DDX25: variants seen among roughly 807,000 people sequenced by gnomAD.
DDX25 encodes the protein ATP-dependent RNA helicase DDX25.
In DDX25, 70 loss-of-function variants were observed where a neutral mutation model predicts 64.6. That is an observed-to-expected ratio of 1.08 (90% CI 0.89 to 1.32). The LOEUF is 1.32. Among genes scored for constraint, DDX25 ranks in the 40% most tolerant of loss-of-function variants. The pLI is 0.00. For missense variants in DDX25, 587 were observed against 604.4 expected (o/e 0.97, Z 0.30); for synonymous variants, 211 against 213.3 (o/e 0.99, Z 0.09).
chr11:125,921,468 A>T lies in DDX25; in HGVS notation c.1390+89A>T. 1.4e-6 allele frequency: 2 copies of T among 1,449,272 alleles called. No individual in the cohort carries two copies. The highest frequency in any genetic ancestry group is 1.8e-6 in the Non-Finnish European group (2 of 1,082,152). The allele number at this position is 1,449,272 out of a possible 1,614,324, so 89.8% of individuals were successfully genotyped here. A position where few individuals can be genotyped will look rare whatever the true frequency, so the allele number is the denominator to read the frequency against. ...CTGGAGAGCTGGAGTCCAGGGGCTC[A>T]TGAGAGTAGTAGAAGCAGAATGCAT... On this transcript the variant is annotated intron_variant, in intron 11 of 11. Transcript: ENST00000263576. This position sits in a 1 kb window ranked among gnomAD's most constrained non-coding sequence, Gnocchi z 4.1.
chr11:125,906,932 A>AG (rs1446947692), intron 4 of DDX25, among the ~76,000 whole-genome samples: 3 of 152,090 alleles, frequency 2.0e-5, no homozygotes, highest in East Asian at 3.9e-4. Flanking sequence ...TGCAGTGCTC[A>AG]GGGGGATAGA....
At position 125,924,062 on chromosome 11, in the gene DDX25, T is replaced by TC. The variant is rs1591523246; in HGVS notation, c.*1181_*1182insC. ...GAGGGCGGATCACGAGGTCAGGAGT[T>TC]AAGACCAGCCTTACCAACATGGTGA... On this transcript the variant is annotated 3_prime_UTR_variant, in exon 12 of 12. Transcript: ENST00000263576. 1.3e-5 allele frequency: 2 copies of TC among 152,314 alleles called. No homozygotes were observed. The highest frequency in any genetic ancestry group is 1.5e-5 in the Non-Finnish European group (1 of 68,060). 9.4% of individuals were successfully genotyped at this position (152,314 alleles called of 1,614,324 possible). A position where few individuals can be genotyped will look rare whatever the true frequency, so the allele number is the denominator to read the frequency against.
In DDX25 at chr11:125,922,901, G is replaced by A. The variant is rs118177650; in HGVS notation, c.*20G>A. The A allele has an allele frequency of 1.9e-6, 3 of 1,593,490 alleles. No homozygotes were observed. The highest frequency in any genetic ancestry group is 2.2e-5 in the East Asian group (1 of 44,582). ...TATTGAAGAAAGAACTTTATTGTTT[G>A]TGCAGTATCCTAGTTTATGTGAGAA... On this transcript the variant is annotated 3_prime_UTR_variant, in exon 12 of 12. Transcript: ENST00000263576.
chr11:125,910,199 C>T (rs940517086), intron 6 of DDX25, among the ~76,000 whole-genome samples, 165 bp from the exon 7 acceptor site: 1 of 152,184 alleles, frequency 6.6e-6, no homozygotes, highest in South Asian at 2.1e-4. Flanking sequence ...ACATTCACCT[C>T]AAATCTGTCA....
chr11:125,920,476 G>C (rs138105728), intron 10 of DDX25, among the ~76,000 whole-genome samples: 1 of 152,108 alleles, frequency 6.6e-6, no homozygotes, highest in Non-Finnish European at 1.5e-5. Context: ...AAGGGTAGCA[G>C]TTCAGTTGAA....
chr11:125,907,404 C>A lies in DDX25; in HGVS notation c.312-792C>A, dbSNP rs144303968. 8.4e-3 allele frequency among the ~76,000 whole-genome samples: 1,270 copies of A among 152,062 alleles called. 15 individuals carry two copies. Among genetic ancestry groups the A allele is most frequent in the African/African-American group, 0.026 (1,099 of 41,476 alleles). ...GGGGCGGATCACGAGGTCAGGAGAT[C>A]GAGACCATCCTGGCTAACACAGTGA... is the stretch of plus-strand genomic sequence containing the variant. On this transcript the variant is annotated intron_variant, in intron 4 of 11. Coordinates refer to ENST00000263576, the MANE Select transcript of DDX25 (RefSeq NM_013264.5).
rs764254644 is a variant in DDX25 at position 125,904,585 on chromosome 11, C to T, written c.63+5C>T. 3.3e-5 allele frequency: 49 copies of T among 1,482,466 alleles called. No individual in the cohort carries two copies. The highest frequency in any genetic ancestry group is 4.2e-5 in the Non-Finnish European group (47 of 1,116,678). The allele number at this position is 1,482,466 out of a possible 1,614,324, so 91.8% of individuals were successfully genotyped here. A position where few individuals can be genotyped will look rare whatever the true frequency, so the allele number is the denominator to read the frequency against. On this transcript the variant is annotated splice_donor_5th_base_variant and intron_variant, in intron 1 of 11. Transcript: ENST00000263576. ...AGCGAGCGGCTGAACAGCCACGTAACCGCCACCGAGCCGGGGGGCCACAGC... is the reference window on the plus strand; with the variant it reads ...AGCGAGCGGCTGAACAGCCACGTAATCGCCACCGAGCCGGGGGGCCACAGC...
intron 10 of DDX25, among the ~76,000 whole-genome samples, chr11:125,919,368 A>G (rs1945081797): frequency 6.6e-6 from 1 of 151,740 alleles, no homozygotes; most frequent in Non-Finnish European, 1.5e-5. Context: ...AAGCTGTAAA[A>G]CTCTTCCAGT....
At chr11:125,912,207 G>A (rs1294579398) in intron 8 of DDX25, among the ~76,000 whole-genome samples, 1 of 152,100 alleles carries the variant, frequency 6.6e-6, no homozygotes, top group African/African-American at 2.4e-5. Context: ...GCTGTTTCCT[G>A]ATGTATAGTC....
chr11:125,917,207 AT>A lies in DDX25; in HGVS notation c.997del (p.Tyr333MetfsTer22). 6.2e-7 allele frequency: 1 copy of A among 1,610,410 alleles called. No homozygotes were observed. The highest frequency in any genetic ancestry group is 8.5e-7 in the Non-Finnish European group (1 of 1,178,574). On this transcript the variant is annotated frameshift_variant, in exon 9 of 12. Transcript: ENST00000263576. LOFTEE classifies it high-confidence loss of function. The part of the protein sequence containing the change: ...RKDKYQALCN[I>X]YGSITIGQAI... ...AGACAAATACCAAGCTCTGTGCAAC[AT>A]TTATGGCAGCATCACCATTGGTCAG...
At chr11:125,920,430 C>T (rs1244647198) in intron 10 of DDX25, among the ~76,000 whole-genome samples, 1 of 114,646 alleles carries the variant, frequency 8.7e-6, no homozygotes, top group Non-Finnish European at 1.8e-5. Context: ...GAGCGAGACT[C>T]CATCTCAAAA....
chr11:125,914,792 A>C (rs997338866), intron 8 of DDX25, among the ~76,000 whole-genome samples: 3 of 152,168 alleles, frequency 2.0e-5, no homozygotes, highest in African/African-American at 7.2e-5. Context: ...GCTGGAGTGC[A>C]GTGGCGCCAC....
chr11:125,907,500 C>T (rs909697006), intron 4 of DDX25, among the ~76,000 whole-genome samples: 35 of 151,550 alleles, frequency 2.3e-4, no homozygotes, highest in Non-Finnish European at 3.7e-4. Context: ...CCTAGCTACT[C>T]GGGAGGCTGA....
At chr11:125,909,930 G>A (rs1944944580) in intron 6 of DDX25, among the ~76,000 whole-genome samples, 1 of 152,158 alleles carries the variant, frequency 6.6e-6, no homozygotes, top group Admixed American at 6.5e-5. Context: ...GGGATTACAG[G>A]TGTGAGCCAC....
chr11:125,923,080 A>T lies in DDX25; in HGVS notation c.*199A>T, dbSNP rs750378631. 3.7e-4 allele frequency: 203 copies of T among 541,930 alleles called. No homozygotes were observed. Among genetic ancestry groups the T allele is most frequent in the Non-Finnish European group, 4.2e-4 (127 of 305,110 alleles). 33.6% of individuals were successfully genotyped at this position (541,930 alleles called of 1,614,324 possible). ...TGTGAAGCTTGTGATCCTTTTGAAT[A>T]AAAAAAAGGCAAGATTATTTCTTAT... On this transcript the variant is annotated 3_prime_UTR_variant, in exon 12 of 12. Transcript: ENST00000263576.
chr11:125,925,284 T>C lies in DDX25; in HGVS notation c.*2403T>C. On this transcript the variant is annotated 3_prime_UTR_variant, in exon 12 of 12. Coordinates refer to ENST00000263576, the MANE Select transcript of DDX25 (RefSeq NM_013264.5). ...TCCTCAGTAATTTTTGTTTGGCAGC[T>C]GTTCCCACAGGTCTGCATGAACCAG... The C allele has an allele frequency of 2.7e-6, 1 of 375,838 alleles. No individual in the cohort carries two copies. Among genetic ancestry groups the C allele is most frequent in the Non-Finnish European group, 5.4e-6 (1 of 184,564 alleles). The allele number at this position is 375,838 out of a possible 1,614,324, so 23.3% of individuals were successfully genotyped here. A position where few individuals can be genotyped will look rare whatever the true frequency, so the allele number is the denominator to read the frequency against.
rs1250775842 is a variant in DDX25, at chr11:125,928,724, G to A, written c.*5843G>A. Reference sequence around the variant, plus strand: ...TCATCATTTGAAAAGCATCTGTAGTGTTCTTTGCCCATTTATCTTGTGGGA... The same window carrying A: ...TCATCATTTGAAAAGCATCTGTAGTATTCTTTGCCCATTTATCTTGTGGGA... On this transcript the variant is annotated 3_prime_UTR_variant, in exon 12 of 12. Transcript: ENST00000263576. 6.6e-6 allele frequency: 1 copy of A among 152,154 alleles called. No individual in the cohort carries two copies. The highest frequency in any genetic ancestry group is 1.5e-5 in the Non-Finnish European group (1 of 68,016). 9.4% of individuals were successfully genotyped at this position (152,154 alleles called of 1,614,324 possible). A position where few individuals can be genotyped will look rare whatever the true frequency, so the allele number is the denominator to read the frequency against.
At chr11:125,906,719 G>A (rs757749522) in intron 4 of DDX25, among the ~76,000 whole-genome samples, 6 of 150,696 alleles carry the variant, frequency 4.0e-5, no homozygotes, top group African/African-American at 9.8e-5. Context: ...CCAGCTATTC[G>A]GGAGGCTGAG....
In DDX25 at chr11:125,925,281, A is replaced by T; in HGVS notation, c.*2400A>T. ...ATGTCCTCAGTAATTTTTGTTTGGC[A>T]GCTGTTCCCACAGGTCTGCATGAAC... On this transcript the variant is annotated 3_prime_UTR_variant, in exon 12 of 12. Coordinates refer to ENST00000263576, the MANE Select transcript of DDX25 (RefSeq NM_013264.5). 2.7e-6 allele frequency: 1 copy of T among 372,426 alleles called. No individual in the cohort carries two copies. Among genetic ancestry groups the T allele is most frequent in the South Asian group, 2.0e-5 (1 of 51,136 alleles). 23.1% of individuals were successfully genotyped at this position (372,426 alleles called of 1,614,324 possible). A position where few individuals can be genotyped will look rare whatever the true frequency, so the allele number is the denominator to read the frequency against.
Sources: gnomAD v4.1 joint callset for allele counts (sites outside exome capture counted in the v4.1 genomes callset) on GRCh38, gnomAD v4.1.1 for gene constraint, Gnocchi (gnomAD v3.1) non-coding constraint, MANE v1.5 for transcripts, NCBI Gene and HGNC (gene_info 2026-07-23, HGNC 2026-07-21) for gene names.